Variants in PLEKHG4 observed in about 807,000 individuals in gnomAD.
PLEKHG4 encodes the protein pleckstrin homology and RhoGEF domain containing G4.
In PLEKHG4, 85 loss-of-function variants were observed where a neutral mutation model predicts 136.9. The observed-to-expected ratio is 0.62, with a 90% confidence interval of 0.52 to 0.74. The LOEUF (loss-of-function observed/expected upper bound fraction) is 0.74, where lower values mean the gene tolerates loss of function less well. Among genes scored for constraint, PLEKHG4 ranks in the 30% least tolerant of loss-of-function variants. The pLI is 0.00. For synonymous variants in PLEKHG4, 577 were observed against 646.9 expected (o/e 0.89, Z 1.64); for missense variants, 1,317 against 1,527.8 (o/e 0.86, Z 2.30).
intron 11 of PLEKHG4, among the ~76,000 whole-genome samples, chr16:67,283,434 C>T (rs1337215989): frequency 6.6e-6 from 1 of 152,074 alleles, no homozygotes; most frequent in Non-Finnish European, 1.5e-5. Flanking sequence ...GCCTTCGTTT[C>T]CGAGTAGACA....
Position 67,286,811 on chromosome 16 carries a change from C to A in PLEKHG4, c.2817C>A (p.Arg939=), listed in dbSNP as rs773866380. The part of the protein sequence containing the change: ...RQDEFVVRTG[R]HKSVRRIFLF... Reference sequence around the variant, plus strand: ...ATGAGTTTGTGGTGCGCACTGGGCGCCACAAGTCCGTGCGCCGCATCTTCC... The same window carrying A: ...ATGAGTTTGTGGTGCGCACTGGGCGACACAAGTCCGTGCGCCGCATCTTCC... Residue 939 remains arginine (R), a synonymous_variant, in exon 17 of 22, where the codon CGC becomes CGA. Coordinates refer to ENST00000379344, the MANE Select transcript of PLEKHG4 (RefSeq NM_001129729.3). 3.7e-6 allele frequency: 6 copies of A among 1,613,786 alleles called. No homozygotes were observed. In the Admixed American group the frequency reaches 8.3e-5, roughly 22 times the overall value.
chr16:67,289,237 C>T lies in PLEKHG4; in HGVS notation c.*429C>T. On this transcript the variant is annotated 3_prime_UTR_variant, in exon 22 of 22. Transcript: ENST00000379344. The stretch of plus-strand genomic sequence containing the variant: ...CTGGCCTTAAAGCCGAGCTCAGTTA[C>T]CATAGGGACAGGTCCACCTCTACTG... 1 of 439,140 alleles carries T rather than the reference C, an allele frequency of 2.3e-6. No individual in the cohort carries two copies. The allele number at this position is 439,140 out of a possible 1,614,324, so 27.2% of individuals were successfully genotyped here.
chr16:67,280,983 CT>C lies in PLEKHG4; in HGVS notation c.698del (p.Leu233ArgfsTer16), dbSNP rs752768730. On this transcript the variant is annotated frameshift_variant, in exon 4 of 22. Coordinates refer to ENST00000379344, the MANE Select transcript of PLEKHG4 (RefSeq NM_001129729.3). LOFTEE classifies it high-confidence loss of function. This position sits in a 1 kb window ranked among gnomAD's most constrained non-coding sequence, Gnocchi z 4.4. ...CSSQELIRLL[L>X]YLRSIPRPEV... ...CAGCCAGGAACTCATCCGCCTCCTG[CT>C]GTACCTGCGAAGCATCCCCAGGTTT... is the stretch of plus-strand genomic sequence containing the variant. The C allele has an allele frequency of 8.7e-6, 14 of 1,613,828 alleles. No individual in the cohort carries two copies. Among genetic ancestry groups the C allele is most frequent in the Non-Finnish European group, 1.2e-5 (14 of 1,179,924 alleles).
At position 67,285,356 on chromosome 16, in the gene PLEKHG4, T is replaced by C. The variant is rs898899137; in HGVS notation, c.2262T>C (p.Thr754=). 6.2e-7 allele frequency: 1 copy of C among 1,614,192 alleles called. No individual in the cohort carries two copies. Among genetic ancestry groups the C allele is most frequent in the East Asian group, 2.2e-5 (1 of 44,886 alleles). ...AGTATGTCCGGGCTCTAGAGTACAC[T>C]ATGGAGAACTATTTCCCCGAGCTGG... ...EREYVRALEY[T]MENYFPELDR... The change falls in exon 14 of 22, where the codon ACT becomes ACC. Residue 754 remains threonine, a synonymous_variant. Transcript: ENST00000379344.
In PLEKHG4 at chr16:67,286,909, G is replaced by A. The variant is rs774096900; in HGVS notation, c.2915G>A (p.Arg972His). The change falls in exon 17 of 22, where the codon CGC becomes CAC. Residue 972 changes from arginine to histidine, a missense_variant. By Grantham distance (29) the Arg-to-His change is conservative. Coordinates refer to ENST00000379344, the MANE Select transcript of PLEKHG4 (RefSeq NM_001129729.3). Reference protein sequence around the residue: ...PTGVDTFAYKRSFKMADLGLT... With the variant: ...PTGVDTFAYKHSFKMADLGLT... ...GGGGTTGACACATTTGCCTACAAGC[G>A]CTCCTTCAAGGTAGGCCTGCCCACC... 5.0e-6 allele frequency: 8 copies of A among 1,613,734 alleles called. No individual in the cohort carries two copies. In the South Asian group the frequency reaches 7.7e-5, roughly 16 times the overall value.
At chr16:67,281,223 T>TA in intron 5 of PLEKHG4, 39 bp downstream of exon 5, 1 of 1,275,728 alleles carries the variant, frequency 7.8e-7, no homozygotes, top group African/African-American at 1.5e-5. Context: ...TCCTTTTCTT[T>TA]TCTTTTTTTT....
intron 18 of PLEKHG4, chr16:67,287,574 T>G: frequency 2.1e-6 from 1 of 484,494 alleles, no homozygotes; most frequent in South Asian, 2.1e-5. Context: ...TTGTAAAATT[T>G]TTTCATAGAG....
In PLEKHG4 at chr16:67,285,459, C is replaced by T; in HGVS notation, c.2365C>T (p.His789Tyr). 6 of 1,614,094 alleles carry T rather than the reference C, an allele frequency of 3.7e-6. No individual in the cohort carries two copies. Among genetic ancestry groups the T allele is most frequent in the Non-Finnish European group, 5.1e-6 (6 of 1,180,036 alleles). ...CAACCTGGAGAAGCTGCGGGACTTC[C>T]ACTGCCACTTCTTCCTGCGTGAGCT... is the stretch of plus-strand genomic sequence containing the variant. ...FGNLEKLRDF[H>Y]CHFFLRELEA... The change falls in exon 14 of 22, where the codon CAC becomes TAC. Residue 789 changes from histidine to tyrosine, a missense_variant. By Grantham distance (83) the His-to-Tyr change is moderately conservative (BLOSUM62 2). Transcript: ENST00000379344.
chr16:67,282,570 C>T lies in PLEKHG4; in HGVS notation c.1321C>T (p.Gln441Ter), dbSNP rs148648142. The change falls in exon 10 of 22, where the codon CAG becomes TAG. Residue 441 changes from glutamine (Q) to a stop codon, truncating the protein, a stop_gained. Coordinates refer to ENST00000379344, the MANE Select transcript of PLEKHG4 (RefSeq NM_001129729.3). LOFTEE classifies it high-confidence loss of function. ...TGGATTGCTGCACCAACTGACCCTG[C>T]AGAGCAACCAGCGAATACAGGCCCT... ...VDGLLHQLTL[Q>*]SNQRIQALEL... 3 of 1,614,150 alleles carry T rather than the reference C, an allele frequency of 1.9e-6. No individual in the cohort carries two copies. Among genetic ancestry groups the T allele is most frequent in the Non-Finnish European group, 2.5e-6 (3 of 1,180,042 alleles).
rs532426886 is a variant in PLEKHG4 at position 67,284,483 on chromosome 16, A to G, written c.1692+26A>G. The G allele has an allele frequency of 1.1e-5, 18 of 1,611,256 alleles. 1 individual carries two copies. The African/African-American group carries it at 1.2e-4, about 11-fold the overall frequency. ...GTGGGTGAGAGTCTCCCCAGCTCCA[A>G]GTGATCCATGAGGCCGGAGGGATGG... is the stretch of plus-strand genomic sequence containing the variant. On this transcript the variant is annotated intron_variant, in intron 12 of 21. Transcript: ENST00000379344. The surrounding 1 kb of genome is among the most constrained non-coding windows in gnomAD (Gnocchi z 4.4).
chr16:67,278,857 C>T (rs2036079409), upstream of PLEKHG4: 1 of 152,432 alleles, frequency 6.6e-6, no homozygotes, highest in South Asian at 2.1e-4. Context: ...CACCAGCCTC[C>T]TGCACCGGAC....
chr16:67,284,828 C>T lies in PLEKHG4; in HGVS notation c.1808C>T (p.Pro603Leu), dbSNP rs2036389841. Residue 603 changes from proline (P) to leucine (L), a missense_variant, in exon 13 of 22, where the codon CCT (proline) becomes CTT (leucine). By Grantham distance (98) the Pro-to-Leu change is moderately conservative. Transcript: ENST00000379344. This position sits in a 1 kb window ranked among gnomAD's most constrained non-coding sequence, Gnocchi z 4.4. ...TGGACCAGGCACCCTGACTTGCCTC[C>T]TGCCCACTTCCGAAAGATGTGGGCT... Reference protein sequence around the residue: ...LHWTRHPDLPPAHFRKMWALA... With the variant: ...LHWTRHPDLPLAHFRKMWALA... 1.2e-6 allele frequency: 2 copies of T among 1,613,358 alleles called. No individual in the cohort carries two copies. Among genetic ancestry groups the T allele is most frequent in the African/African-American group, 2.7e-5 (2 of 74,930 alleles).
At position 67,282,485 on chromosome 16, in the gene PLEKHG4, T is replaced by C. The variant is rs781671703; in HGVS notation, c.1254-18T>C. The C allele has an allele frequency of 1.2e-6, 2 of 1,613,726 alleles. No individual in the cohort carries two copies. The highest frequency in any genetic ancestry group is 1.6e-4 in the Middle Eastern group (1 of 6,062). ...GTGGTGCAAGGCAGGGGGTCTAAGA[T>C]GGTATACCCTACACCAGGACGGCAA... On this transcript the variant is annotated intron_variant, in intron 9 of 21. Transcript: ENST00000379344.
Position 67,281,173 on chromosome 16 carries a change from A to G in PLEKHG4, c.802A>G (p.Ser268Gly). 14 of 1,611,074 alleles carry G rather than the reference A, an allele frequency of 8.7e-6. No homozygotes were observed. The highest frequency in any genetic ancestry group is 1.2e-5 in the Non-Finnish European group (14 of 1,177,816). The change falls in exon 5 of 22, where the codon AGC (serine) becomes GGC (glycine). Residue 268 changes from serine (S) to glycine (G), a missense_variant. Physicochemically the swap from Ser to Gly is moderately conservative, Grantham distance 56 (BLOSUM62 0). Coordinates refer to ENST00000379344, the MANE Select transcript of PLEKHG4 (RefSeq NM_001129729.3). ...AAGTTCTTCCCTCTTCTCTGGGCTC[A>G]GCCAACTACAAGTGAGTACAGGATT... is the stretch of plus-strand genomic sequence containing the variant. ...APSSSLFSGL[S>G]QLQEAAPGAV...
rs1325171205 is a variant in PLEKHG4, at chr16:67,280,647, G to A, written c.500-64G>A. On this transcript the variant is annotated intron_variant, in intron 2 of 21. Transcript: ENST00000379344. The surrounding 1 kb of genome is among the most constrained non-coding windows in gnomAD (Gnocchi z 4.4). Reference sequence around the variant, plus strand: ...TCTGACCCTACTCAGGCTGAAGCCCGGGTCCAAGTAGGGGTCTCTGGATAG... The same window carrying A: ...TCTGACCCTACTCAGGCTGAAGCCCAGGTCCAAGTAGGGGTCTCTGGATAG... The A allele has an allele frequency of 2.5e-6, 4 of 1,612,082 alleles. No homozygotes were observed. The highest frequency in any genetic ancestry group is 2.7e-5 in the African/African-American group (2 of 74,832).
rs1218055845 is a variant in PLEKHG4, at chr16:67,280,098, C to T, written c.54C>T (p.Ala18=). ...GDESPDSQGH[A]TDWRFAVCSF... ...AGTCCCCAGACTCTCAGGGCCATGC[C>T]ACCGACTGGAGATTTGCTGTGTGCA... Residue 18 remains alanine (A), a synonymous_variant, in exon 2 of 22, where the codon GCC becomes GCT. Coordinates refer to ENST00000379344, the MANE Select transcript of PLEKHG4 (RefSeq NM_001129729.3). The surrounding 1 kb of genome is among the most constrained non-coding windows in gnomAD (Gnocchi z 4.4). The T allele has an allele frequency of 2.5e-6, 4 of 1,613,684 alleles. No homozygotes were observed. The African/African-American group carries it at 5.3e-5, about 22-fold the overall frequency.
At chr16:67,285,598 G>A in intron 14 of PLEKHG4, 62 bp downstream of exon 14, 1 of 1,586,656 alleles carries the variant, frequency 6.3e-7, no homozygotes, top group Non-Finnish European at 8.6e-7. Flanking sequence ...TTGCTGCTGG[G>A]CACATGCTTG....
At position 67,286,529 on chromosome 16, in the gene PLEKHG4, C is replaced by T. The variant is rs1452442090; in HGVS notation, c.2617C>T (p.Leu873=). 6.3e-7 allele frequency: 1 copy of T among 1,583,350 alleles called. No individual in the cohort carries two copies. Among genetic ancestry groups the T allele is most frequent in the Non-Finnish European group, 8.6e-7 (1 of 1,163,288 alleles). Reference sequence around the variant, plus strand: ...CCAGCGCATGGGCAAGTACGCACTGCTGCTGCAGGAGCTGGCACGGGCCTG... The same window carrying T: ...CCAGCGCATGGGCAAGTACGCACTGTTGCTGCAGGAGCTGGCACGGGCCTG... ...PIQRMGKYAL[L]LQELARACGG... is the part of the protein sequence containing the mutation. Residue 873 remains leucine, a synonymous_variant, in exon 16 of 22, where the codon CTG becomes TTG. Coordinates refer to ENST00000379344, the MANE Select transcript of PLEKHG4 (RefSeq NM_001129729.3).
In PLEKHG4 at chr16:67,285,357, A is replaced by G. The variant is rs751728821; in HGVS notation, c.2263A>G (p.Met755Val). 1 of 1,614,160 alleles carries G rather than the reference A, an allele frequency of 6.2e-7. No individual in the cohort carries two copies. Among genetic ancestry groups the G allele is most frequent in the South Asian group, 1.1e-5 (1 of 91,082 alleles). ...REYVRALEYT[M>V]ENYFPELDRP... is the part of the protein sequence containing the mutation. ...GTATGTCCGGGCTCTAGAGTACACTATGGAGAACTATTTCCCCGAGCTGGA... is the reference window on the plus strand; with the variant it reads ...GTATGTCCGGGCTCTAGAGTACACTGTGGAGAACTATTTCCCCGAGCTGGA... The change falls in exon 14 of 22, where the codon ATG becomes GTG. Residue 755 changes from methionine to valine, a missense_variant. Coordinates refer to ENST00000379344, the MANE Select transcript of PLEKHG4 (RefSeq NM_001129729.3).
Sources: allele counts gnomAD v4.1 joint callset (sites outside exome capture counted in the v4.1 genomes callset), GRCh38; gene constraint gnomAD v4.1.1; non-coding constraint Gnocchi (gnomAD v3.1); transcripts MANE v1.5; gene names NCBI Gene and HGNC (gene_info 2026-07-23, HGNC 2026-07-21).